MAN2C1: variants seen among roughly 807,000 people sequenced by gnomAD.
The protein encoded by MAN2C1 is mannosidase alpha class 2C member 1, also known as alpha-mannosidase 2C1.
MAN2C1 carries 111 observed loss-of-function variants against 126.9 expected under a neutral mutation model. That is an observed-to-expected ratio of 0.87 (90% CI 0.75 to 1.02). MAN2C1 has a LOEUF of 1.02. MAN2C1 is among the 50% of genes least tolerant of loss of function. The pLI is 0.00. For missense variants in MAN2C1, 1,363 were observed against 1,364.4 expected (o/e 1.00, Z 0.02); for synonymous variants, 567 against 561.5 (o/e 1.01, Z -0.14).
At position 75,359,976 on chromosome 15, in the gene MAN2C1, CA is replaced by C. The variant is rs1567277289; in HGVS notation, c.1718del (p.Leu573ArgfsTer8). The C allele has an allele frequency of 2.5e-6, 4 of 1,613,964 alleles. No individual in the cohort carries two copies. The highest frequency in any genetic ancestry group is 3.4e-6 in the Non-Finnish European group (4 of 1,179,918). On this transcript the variant is annotated frameshift_variant, in exon 15 of 26. Coordinates refer to ENST00000267978, the MANE Select transcript of MAN2C1 (RefSeq NM_006715.4). LOFTEE classifies it high-confidence loss of function. ...CAGTCACCACATCATGGAACTGGTT[CA>C]GAAGAAGGAGCCTGCAGGGGCCAAG... ...QLQHLWRLLL[L>X]NQFHDVVTGS...
At chr15:75,364,233 T>G in intron 5 of MAN2C1, 45 bp from the exon 6 acceptor site, 1 of 1,559,158 alleles carries the variant, frequency 6.4e-7, no homozygotes, top group Non-Finnish European at 8.6e-7. Flanking sequence ...AAGCACAGCT[T>G]CCAGACCTAG....
chr15:75,362,887 GTCACT>G lies in MAN2C1; in HGVS notation c.791-144_791-140del. The G allele has an allele frequency of 1.4e-6, 1 of 690,862 alleles. No individual in the cohort carries two copies. Among genetic ancestry groups the G allele is most frequent in the Non-Finnish European group, 2.5e-6 (1 of 399,190 alleles). 42.8% of individuals were successfully genotyped at this position (690,862 alleles called of 1,614,324 possible). A position where few individuals can be genotyped will look rare whatever the true frequency, so the allele number is the denominator to read the frequency against. The stretch of plus-strand genomic sequence containing the variant: ...AGCCCTGTGGTGTCCCTCCTAAGTG[GTCACT>G]TCACTTCACTCCAGCGAGGTGGGAG... On this transcript the variant is annotated intron_variant, in intron 6 of 25. Coordinates refer to ENST00000267978, the MANE Select transcript of MAN2C1 (RefSeq NM_006715.4). The surrounding 1 kb of genome is among the most constrained non-coding windows in gnomAD (Gnocchi z 4.5).
intron 5 of MAN2C1, 63 bp downstream of exon 5, chr15:75,364,425 A>G: frequency 6.8e-7 from 1 of 1,464,256 alleles, no homozygotes. Flanking sequence ...ATCTGACCCA[A>G]AGAACAACCT....
intron 13 of MAN2C1, 44 bp downstream of exon 13, chr15:75,360,521 C>G (rs1302664796): frequency 6.2e-7 from 1 of 1,605,928 alleles, no homozygotes; most frequent in South Asian, 1.1e-5. Flanking sequence ...CTCTGCAGAT[C>G]AAGGGCACAC....
chr15:75,368,340 C>G, intron 1 of MAN2C1, 142 bp from the exon 2 acceptor site: 1 of 1,396,438 alleles, frequency 7.2e-7, no homozygotes, highest in Non-Finnish European at 9.7e-7. Flanking sequence ...CCATTCCCTA[C>G]CCCCTCCTCC....
chr15:75,358,403 C>A, intron 20 of MAN2C1, 59 bp from the exon 21 acceptor site: 1 of 1,613,128 alleles, frequency 6.2e-7, no homozygotes. Context: ...AGGCCTGGGG[C>A]TGGCCCCTCC....
rs984903563 is a variant in MAN2C1, at chr15:75,367,921, TTCCCAGCAGAGGGTGCTGC to T, written c.227+133_227+151del. On this transcript the variant is annotated intron_variant, in intron 2 of 25. Transcript: ENST00000267978. Reference sequence around the variant, plus strand: ...TGAAGACCCAGGGACCAGAGAGCTGTTCCCAGCAGAGGGTGCTGCTCCCAGCAGAGGGTGCTGCTCGATC... The same window carrying T: ...TGAAGACCCAGGGACCAGAGAGCTGTTCCCAGCAGAGGGTGCTGCTCGATC... 1.0e-3 allele frequency: 1,100 copies of T among 1,096,778 alleles called. 6 individuals carry two copies. Among genetic ancestry groups the T allele is most frequent in the African/African-American group, 9.8e-3 (619 of 63,296 alleles). The allele number at this position is 1,096,778 out of a possible 1,614,324, so 67.9% of individuals were successfully genotyped here.
chr15:75,360,632 T>G lies in MAN2C1; in HGVS notation c.1517A>C (p.Gln506Pro). Reference protein sequence around the residue: ...LFSALESDSEQLCTWVGELFL... With the variant: ...LFSALESDSEPLCTWVGELFL... Reference sequence around the variant, plus strand: ...GAGCTCCCCAACCCACGTGCACAGCTGCTCTGAGTCACTCTCCAGTGCTGA... The same window carrying G: ...GAGCTCCCCAACCCACGTGCACAGCGGCTCTGAGTCACTCTCCAGTGCTGA... Residue 506 changes from glutamine to proline, a missense_variant, in exon 13 of 26, where the codon CAG becomes CCG. Gln to Pro is a moderately conservative substitution (Grantham distance 76). Around this residue, in one of 3 missense-constraint regions of MAN2C1, gnomAD observed 67 missense variants for 104.5 expected, o/e 0.64. Transcript: ENST00000267978. 1 of 1,613,880 alleles carries G rather than the reference T, an allele frequency of 6.2e-7. No individual in the cohort carries two copies. The highest frequency in any genetic ancestry group is 8.5e-7 in the Non-Finnish European group (1 of 1,179,980).
chr15:75,368,223 C>T lies in MAN2C1; in HGVS notation c.102-25G>A, dbSNP rs772520060. 8.2e-6 allele frequency: 13 copies of T among 1,587,348 alleles called. No homozygotes were observed. The Admixed American group carries it at 1.2e-4, about 15-fold the overall frequency. On this transcript the variant is annotated intron_variant, in intron 1 of 25. Coordinates refer to ENST00000267978, the MANE Select transcript of MAN2C1 (RefSeq NM_006715.4). Reference sequence around the variant, plus strand: ...CCTGCGTGGGACGGGCCGGTGGGCACATGCTGGAGGCCGCCCCGTTTCCGC... The same window carrying T: ...CCTGCGTGGGACGGGCCGGTGGGCATATGCTGGAGGCCGCCCCGTTTCCGC...
At chr15:75,365,313 G>GT (rs11449098) in intron 4 of MAN2C1, among the ~76,000 whole-genome samples, 151,754 of 152,338 alleles carry the variant, frequency 1, 75,588 homozygotes, top group East Asian at 1. Flanking sequence ...CTGAAACAGT[G>GT]TCAATCTATA....
chr15:75,367,943 CCAGCAGAGGGTGCTGCTCG>C, intron 2 of MAN2C1, 111 bp downstream of exon 2: 1 of 1,244,522 alleles, frequency 8.0e-7, no homozygotes, highest in East Asian at 2.6e-5. Context: ...GGTGCTGCTC[CCAGCAGAGGGTGCTGCTCG>C]ATCCCACGTA....
intron 21 of MAN2C1, chr15:75,357,832 G>C (rs912300940): frequency 4.3e-6 from 1 of 235,206 alleles, no homozygotes; most frequent in Admixed American, 4.7e-5. Context: ...TGTTAGCCAG[G>C]ATGGTCTCGA....
chr15:75,356,099 C>T lies in MAN2C1; in HGVS notation c.2996+11G>A. The stretch of plus-strand genomic sequence containing the variant: ...ACTCGACCCCCGCCCCAATCCCACA[C>T]CGCCACTCACAGGATGGCCTCCTGA... On this transcript the variant is annotated intron_variant, in intron 25 of 25. Transcript: ENST00000267978. The surrounding 1 kb of genome is among the most constrained non-coding windows in gnomAD (Gnocchi z 5.8). 1 of 1,613,878 alleles carries T rather than the reference C, an allele frequency of 6.2e-7. No individual in the cohort carries two copies. The highest frequency in any genetic ancestry group is 8.5e-7 in the Non-Finnish European group (1 of 1,179,948).
In MAN2C1 at chr15:75,356,491, C is replaced by A. The variant is rs377601252; in HGVS notation, c.2738-42G>T. 6.4e-7 allele frequency: 1 copy of A among 1,568,728 alleles called. No homozygotes were observed. The highest frequency in any genetic ancestry group is 8.6e-7 in the Non-Finnish European group (1 of 1,158,692). ...AAACAATGCTGGTGGAGAATGGGGG[C>A]TACCCTCCCCTGTCCCTAGAAGGGG... On this transcript the variant is annotated intron_variant, in intron 23 of 25. Transcript: ENST00000267978. The surrounding 1 kb of genome is among the most constrained non-coding windows in gnomAD (Gnocchi z 5.8).
At position 75,362,755 on chromosome 15, in the gene MAN2C1, G is replaced by A. The variant is rs753142434; in HGVS notation, c.791-7C>T. 151 of 1,612,610 alleles carry A rather than the reference G, an allele frequency of 9.4e-5. No homozygotes were observed. Among genetic ancestry groups the A allele is most frequent in the Non-Finnish European group, 1.1e-4 (135 of 1,178,936 alleles). On this transcript the variant is annotated splice_polypyrimidine_tract_variant and splice_region_variant and intron_variant, in intron 6 of 25. Transcript: ENST00000267978. The surrounding 1 kb of genome is among the most constrained non-coding windows in gnomAD (Gnocchi z 4.5). ...TTGAAGGGCCAAAGCCAGGCTATAC[G>A]GGGAGTGAGGTGGAGGACAGAGGGA...
chr15:75,366,447 C>T, intron 4 of MAN2C1, 75 bp downstream of exon 4: 1 of 1,269,866 alleles, frequency 7.9e-7, no homozygotes, highest in East Asian at 2.4e-5. Flanking sequence ...TGAGATCACT[C>T]TGGGCCTCAG....
rs200137541 is a variant in MAN2C1, at chr15:75,356,704, G to A, written c.2658-19C>T. ...CCGCAAGCTGGGGTGAGGAGGGCGC[G>A]TAGGGGCCACGCTGAAGCTGTTGGA... On this transcript the variant is annotated intron_variant, in intron 22 of 25. Coordinates refer to ENST00000267978, the MANE Select transcript of MAN2C1 (RefSeq NM_006715.4). The surrounding 1 kb of genome is among the most constrained non-coding windows in gnomAD (Gnocchi z 5.8). The A allele has an allele frequency of 2.0e-4, 323 of 1,608,810 alleles. No individual in the cohort carries two copies. The highest frequency in any genetic ancestry group is 9.6e-4 in the Admixed American group (57 of 59,130).
In MAN2C1 at chr15:75,358,694, C is replaced by CAGCCCATACCACATGCTGCCG; in HGVS notation, c.2246+9_2246+10insCGGCAGCATGTGGTATGGGCT. ...ACCTCCACCATCCCCACATGCTGCC[C>CAGCCCATACCACATGCTGCCG]AGCCTATACCGTGTCTCCAGGTGGT... On this transcript the variant is annotated intron_variant, in intron 19 of 25. Coordinates refer to ENST00000267978, the MANE Select transcript of MAN2C1 (RefSeq NM_006715.4). 6.2e-7 allele frequency: 1 copy of CAGCCCATACCACATGCTGCCG among 1,613,690 alleles called. No homozygotes were observed. The highest frequency in any genetic ancestry group is 8.5e-7 in the Non-Finnish European group (1 of 1,179,676).
At chr15:75,357,543 G>A (rs1363816565) in intron 21 of MAN2C1, among the ~76,000 whole-genome samples, 15 of 151,836 alleles carry the variant, frequency 9.9e-5, no homozygotes, top group Admixed American at 6.6e-5. Flanking sequence ...TCTTGACCTC[G>A]TGATCCGCCC....
Sources: allele counts gnomAD v4.1 joint callset (sites outside exome capture counted in the v4.1 genomes callset), GRCh38; gene constraint gnomAD v4.1.1; regional missense constraint gnomAD v4.1.1; non-coding constraint Gnocchi (gnomAD v3.1); transcripts MANE v1.5; gene names NCBI Gene and HGNC (gene_info 2026-07-23, HGNC 2026-07-21).